GNA14: variants seen among roughly 807,000 people sequenced by gnomAD.
GNA14 encodes the protein G protein subunit alpha 14, also known as guanine nucleotide-binding protein subunit alpha-14.
Under a neutral mutation model 42.0 loss-of-function variants are expected in GNA14, and 50 were observed. The observed-to-expected ratio is 1.19, with a 90% CI of 0.95 to 1.51. GNA14 has a LOEUF of 1.51. Among genes scored for constraint, GNA14 ranks in the 40% most tolerant of loss-of-function variants. The pLI is 0.00. For missense variants in GNA14, 473 were observed against 446.2 expected (o/e 1.06, Z -0.54); for synonymous variants, 173 against 163.1 (o/e 1.06, Z -0.46).
At chr9:77,514,038 C>T (rs1212202863) in intron 2 of GNA14, among the ~76,000 whole-genome samples, 1 of 151,848 alleles carries the variant, frequency 6.6e-6, no homozygotes, top group Non-Finnish European at 1.5e-5. Context: ...CTTAACTTTT[C>T]CTGGAAGGGT....
chr9:77,620,249 C>T (rs1297705892), intron 1 of GNA14, among the ~76,000 whole-genome samples: 2 of 152,172 alleles, frequency 1.3e-5, no homozygotes, highest in Non-Finnish European at 2.9e-5. Flanking sequence ...GATGAGGAGC[C>T]TCTGTGACTC....
At chr9:77,440,151 T>C (rs1835708298) in intron 2 of GNA14, among the ~76,000 whole-genome samples, 1 of 152,264 alleles carries the variant, frequency 6.6e-6, no homozygotes, top group Admixed American at 6.5e-5. Context: ...TTTTCCTTTC[T>C]CAAACAAAAT....
At chr9:77,565,905 T>C (rs1205319593) in intron 1 of GNA14, among the ~76,000 whole-genome samples, 1 of 152,180 alleles carries the variant, frequency 6.6e-6, no homozygotes, top group Non-Finnish European at 1.5e-5. Flanking sequence ...AGTGCCACAG[T>C]GGACACTACT....
intron 1 of GNA14, among the ~76,000 whole-genome samples, chr9:77,595,074 C>T (rs1211975924): frequency 6.6e-6 from 1 of 152,186 alleles, no homozygotes; most frequent in African/African-American, 2.4e-5. Context: ...CCTTGCTTGG[C>T]ACTGGTTACA....
chr9:77,605,862 A>T (rs915250279), intron 1 of GNA14, among the ~76,000 whole-genome samples: 2 of 152,216 alleles, frequency 1.3e-5, no homozygotes, highest in Non-Finnish European at 2.9e-5. Flanking sequence ...TGATTTCTAA[A>T]TTCCTTTCGA....
At chr9:77,519,930 A>T (rs1286779386) in intron 2 of GNA14, among the ~76,000 whole-genome samples, 1 of 152,128 alleles carries the variant, frequency 6.6e-6, no homozygotes, top group African/African-American at 2.4e-5. Context: ...GAATCACTTG[A>T]ACCTGGAGGC....
chr9:77,525,425 A>G (rs1837417834), intron 2 of GNA14, among the ~76,000 whole-genome samples: 1 of 152,178 alleles, frequency 6.6e-6, no homozygotes, highest in Non-Finnish European at 1.5e-5. Flanking sequence ...TGCAACAGGA[A>G]TTGAGATACT....
intron 2 of GNA14, among the ~76,000 whole-genome samples, chr9:77,461,128 C>T (rs1170787113): frequency 6.6e-6 from 1 of 152,192 alleles, no homozygotes; most frequent in Admixed American, 6.5e-5. Flanking sequence ...AGGTGGGTCC[C>T]CAGCAGGCTC....
chr9:77,478,126 A>G (rs1256460541), intron 2 of GNA14, among the ~76,000 whole-genome samples: 6 of 151,552 alleles, frequency 4.0e-5, no homozygotes, highest in Admixed American at 6.6e-5. Flanking sequence ...TGCTGCACCC[A>G]TTAACTCGTC....
At chr9:77,554,412 T>C (rs1257950957) in intron 1 of GNA14, among the ~76,000 whole-genome samples, 4 of 152,210 alleles carry the variant, frequency 2.6e-5, no homozygotes, top group Non-Finnish European at 5.9e-5. Flanking sequence ...GCCTATTAGT[T>C]GTCAAAGTTC....
At chr9:77,639,180 G>A (rs1024955165) in intron 1 of GNA14, among the ~76,000 whole-genome samples, 1 of 152,092 alleles carries the variant, frequency 6.6e-6, no homozygotes, top group African/African-American at 2.4e-5. Flanking sequence ...ACCTTCTGGG[G>A]GAAGAGTTTC....
chr9:77,591,379 TA>T (rs1176416382), intron 1 of GNA14, among the ~76,000 whole-genome samples: 1 of 152,172 alleles, frequency 6.6e-6, no homozygotes, highest in South Asian at 2.1e-4. Flanking sequence ...CTAGGATTTT[TA>T]AAAAAGAATA....
intron 1 of GNA14, among the ~76,000 whole-genome samples, chr9:77,554,945 G>A (rs1345790234): frequency 1.3e-5 from 2 of 152,160 alleles, no homozygotes; most frequent in Non-Finnish European, 2.9e-5. Context: ...ACAAAACGTT[G>A]GTGGATGTGT....
chr9:77,427,453 A>G (rs1194038930), intron 5 of GNA14, among the ~76,000 whole-genome samples: 1 of 152,240 alleles, frequency 6.6e-6, no homozygotes, highest in Non-Finnish European at 1.5e-5. Context: ...CTCCTCAGAG[A>G]AAAGTGTGCT....
intron 1 of GNA14, among the ~76,000 whole-genome samples, chr9:77,618,179 C>T (rs11145492): frequency 0.17 from 25,115 of 152,046 alleles, 2,729 homozygotes; most frequent in East Asian, 0.29. Flanking sequence ...TAAAGCATGG[C>T]TGCTTTCTGA....
chr9:77,607,532 C>T (rs1435651120), intron 1 of GNA14, among the ~76,000 whole-genome samples: 3 of 152,158 alleles, frequency 2.0e-5, no homozygotes, highest in East Asian at 1.9e-4. Flanking sequence ...ACTTGAACAT[C>T]GGTGCAATAA....
chr9:77,603,605 A>G (rs1450463014), intron 1 of GNA14, among the ~76,000 whole-genome samples: 1 of 152,174 alleles, frequency 6.6e-6, no homozygotes, highest in Non-Finnish European at 1.5e-5. Context: ...GAGACGAGTT[A>G]AGAATCAGAA....
chr9:77,434,333 G>A, intron 3 of GNA14, 35 bp downstream of exon 3: 1 of 1,581,596 alleles, frequency 6.3e-7, no homozygotes, highest in Non-Finnish European at 8.6e-7. Context: ...TTGCCTGAAA[G>A]CACCGCGGGC....
intron 2 of GNA14, among the ~76,000 whole-genome samples, chr9:77,437,558 GAGAA>G (rs1222075966): frequency 1.3e-5 from 2 of 150,196 alleles, no homozygotes; most frequent in Non-Finnish European, 3.0e-5. Flanking sequence ...GAAAGAGAGA[GAGAA>G]AGAGAGAGAG....
Sources: allele counts gnomAD v4.1 joint callset (sites outside exome capture counted in the v4.1 genomes callset), GRCh38; gene constraint gnomAD v4.1.1; transcripts MANE v1.5; gene names NCBI Gene and HGNC (gene_info 2026-07-23, HGNC 2026-07-21).